Variants in GALNT13 observed in about 807,000 individuals in gnomAD.
GALNT13 encodes the protein UDP-GalNAc:polypeptide N-acetylgalactosaminyltransferase 13.
GALNT13 carries 28 observed loss-of-function variants against 64.2 expected under a neutral mutation model. That is an observed-to-expected ratio of 0.44 (90% CI 0.32 to 0.60). GALNT13 has a LOEUF of 0.60. Ranked by LOEUF, GALNT13 falls within the 20% of genes least tolerant of loss-of-function variation. The probability of loss-of-function intolerance (pLI) is 0.05; values close to 1 mark genes in which losing one functional copy is unlikely to be tolerated. For missense variants in GALNT13, 577 were observed against 669.8 expected (o/e 0.86, Z 1.53); for synonymous variants, 214 against 224.6 (o/e 0.95, Z 0.42).
At chr2:154,224,056 G>T (rs952509571) in intron 4 of GALNT13, among the ~76,000 whole-genome samples, 1 of 151,972 alleles carries the variant, frequency 6.6e-6, no homozygotes, top group Non-Finnish European at 1.5e-5. Context: ...TTTGTATAGC[G>T]TATGTGTGTA....
chr2:153,554,090 G>A, the GALNT13 span, among the ~76,000 whole-genome samples: 13 of 152,010 alleles, frequency 8.6e-5, no homozygotes, highest in East Asian at 1.9e-4. Context: ...GCCAAGGTGG[G>A]CGGATCACGA....
the GALNT13 span, among the ~76,000 whole-genome samples, chr2:153,543,924 A>T: frequency 6.6e-6 from 1 of 152,176 alleles, no homozygotes; most frequent in Admixed American, 6.5e-5. Context: ...AAGTGTAATG[A>T]AGCAGGCAAA....
chr2:153,842,709 A>G, the GALNT13 span, among the ~76,000 whole-genome samples: 1 of 137,678 alleles, frequency 7.3e-6, no homozygotes, highest in African/African-American at 2.7e-5. Context: ...CAATGGGGCA[A>G]ATTACAAAAG....
chr2:153,359,378 T>C, the GALNT13 span, among the ~76,000 whole-genome samples: 2 of 152,182 alleles, frequency 1.3e-5, no homozygotes, highest in Admixed American at 1.3e-4. Flanking sequence ...CAAAGTGATT[T>C]ATATTTCATG....
chr2:154,356,075 A>C (rs907477387), intron 9 of GALNT13, among the ~76,000 whole-genome samples: 1 of 152,074 alleles, frequency 6.6e-6, no homozygotes, highest in African/African-American at 2.4e-5. Context: ...ACACAATTTC[A>C]AATGATTTCT....
the GALNT13 span, among the ~76,000 whole-genome samples, chr2:153,235,515 T>C: frequency 1.3e-5 from 2 of 152,110 alleles, no homozygotes; most frequent in South Asian, 2.1e-4. Flanking sequence ...TGGCTGTAAA[T>C]GCTAGTACAT....
At chr2:153,723,737 C>T in the GALNT13 span, among the ~76,000 whole-genome samples, 7 of 151,742 alleles carry the variant, frequency 4.6e-5, no homozygotes, top group East Asian at 1.4e-3. Context: ...CCTAGGAATC[C>T]AACTTACAAG....
the GALNT13 span, among the ~76,000 whole-genome samples, chr2:153,329,715 A>C: frequency 6.6e-6 from 1 of 152,102 alleles, no homozygotes; most frequent in African/African-American, 2.4e-5. Flanking sequence ...ATTTCCTTCC[A>C]TTTTGTAGGA....
the GALNT13 span, among the ~76,000 whole-genome samples, chr2:153,722,220 C>T: frequency 2.7e-5 from 4 of 145,584 alleles, no homozygotes; most frequent in Non-Finnish European, 4.5e-5. Context: ...GGGTACATAA[C>T]GAAATGAAGG....
intron 9 of GALNT13, among the ~76,000 whole-genome samples, chr2:154,339,233 T>G (rs1695619553): frequency 6.6e-6 from 1 of 152,138 alleles, no homozygotes; most frequent in Non-Finnish European, 1.5e-5. Context: ...GTAACTAATA[T>G]GCAGTTGGTA....
chr2:153,309,270 A>G, the GALNT13 span, among the ~76,000 whole-genome samples: 3 of 152,202 alleles, frequency 2.0e-5, no homozygotes, highest in Non-Finnish European at 4.4e-5. Context: ...TAAGAGGCAC[A>G]CAAGTGTACC....
intron 3 of GALNT13, among the ~76,000 whole-genome samples, chr2:153,946,980 G>A (rs575058315): frequency 6.6e-6 from 1 of 151,848 alleles, no homozygotes; most frequent in Admixed American, 6.6e-5. Flanking sequence ...CACATTTTAG[G>A]TCTGCTAAAA....
At chr2:153,772,158 C>G in the GALNT13 span, among the ~76,000 whole-genome samples, 1 of 152,212 alleles carries the variant, frequency 6.6e-6, no homozygotes, top group Non-Finnish European at 1.5e-5. Context: ...TCCTCCAATG[C>G]AGAGCAACTA....
intron 2 of GALNT13, among the ~76,000 whole-genome samples, chr2:153,917,875 C>T (rs1689490620): frequency 6.8e-6 from 1 of 146,246 alleles, no homozygotes. Flanking sequence ...AAAAAAGAGG[C>T]AGAATGTCAA....
chr2:153,600,562 T>G, the GALNT13 span, among the ~76,000 whole-genome samples: 3 of 151,970 alleles, frequency 2.0e-5, no homozygotes, highest in Non-Finnish European at 4.4e-5. Flanking sequence ...CTCCTGGGTC[T>G]GCACTAGTGC....
chr2:154,232,527 G>A (rs527569653), intron 4 of GALNT13, among the ~76,000 whole-genome samples: 23 of 152,040 alleles, frequency 1.5e-4, no homozygotes, highest in Admixed American at 2.6e-4. Context: ...CAAAAATAAC[G>A]TACCATCTTT....
chr2:153,394,713 A>G, the GALNT13 span, among the ~76,000 whole-genome samples: 2 of 152,180 alleles, frequency 1.3e-5, no homozygotes, highest in African/African-American at 4.8e-5. Context: ...TCCAACCATA[A>G]GGAAAAGTTT....
the GALNT13 span, among the ~76,000 whole-genome samples, chr2:153,444,371 A>G: frequency 6.6e-6 from 1 of 152,240 alleles, no homozygotes; most frequent in Non-Finnish European, 1.5e-5. Flanking sequence ...GAATGAATGA[A>G]TAAATGAATA....
the GALNT13 span, among the ~76,000 whole-genome samples, chr2:153,222,858 G>A: frequency 1.3e-5 from 2 of 152,308 alleles, no homozygotes; most frequent in African/African-American, 4.8e-5. Context: ...AAGCCCATAG[G>A]GGTTTGGGGG....
Sources: gnomAD v4.1 joint callset for allele counts (sites outside exome capture counted in the v4.1 genomes callset) on GRCh38, gnomAD v4.1.1 for gene constraint, MANE v1.5 for transcripts, NCBI Gene and HGNC (gene_info 2026-07-23, HGNC 2026-07-21) for gene names.